CSMD1: variants seen among roughly 807,000 people sequenced by gnomAD.
CSMD1 encodes the protein CUB and sushi domain-containing protein 1.
Under a neutral mutation model 417.5 loss-of-function variants are expected in CSMD1, and 213 were observed. The observed-to-expected ratio is 0.51, with a 90% CI of 0.46 to 0.57. The LOEUF (loss-of-function observed/expected upper bound fraction) is 0.57. Ranked by LOEUF, CSMD1 falls within the 20% of genes least tolerant of loss-of-function variation. CSMD1 has a pLI of 0.00. For missense variants in CSMD1, 6,923 were observed against 4,529.7 expected (o/e 1.53, Z -15.17); for synonymous variants, 2,862 against 1,736.8 (o/e 1.65, Z -16.11).
chr8:4,761,870 T>C (rs150046440), intron 1 of CSMD1, among the ~76,000 whole-genome samples: 28 of 88,452 alleles, frequency 3.2e-4, no homozygotes, highest in East Asian at 1.8e-3. Context: ...TATCTATCTA[T>C]CTATCTATCT....
At chr8:4,542,675 T>C (rs1005043032) in intron 2 of CSMD1, among the ~76,000 whole-genome samples, 4 of 152,214 alleles carry the variant, frequency 2.6e-5, no homozygotes, top group Non-Finnish European at 5.9e-5. Context: ...CTGTATCTTA[T>C]GCGGCAGAAG....
At chr8:4,310,233 T>C (rs537669169) in intron 3 of CSMD1, among the ~76,000 whole-genome samples, 1 of 152,320 alleles carries the variant, frequency 6.6e-6, no homozygotes, top group Non-Finnish European at 1.5e-5. Flanking sequence ...AATTAGCAAT[T>C]AACTTATCAC....
intron 2 of CSMD1, among the ~76,000 whole-genome samples, chr8:4,625,958 T>C (rs1802081559): frequency 6.6e-6 from 1 of 152,086 alleles, no homozygotes; most frequent in South Asian, 2.1e-4. Context: ...TCCTGACCTC[T>C]AGTGATCTGC....
chr8:3,695,048 C>T (rs796824839), intron 7 of CSMD1, among the ~76,000 whole-genome samples: 8 of 149,052 alleles, frequency 5.4e-5, no homozygotes, highest in African/African-American at 1.5e-4. Flanking sequence ...GAAAAAGTCA[C>T]GTGGAAGAAA....
At position 3,937,276 on chromosome 8, in the gene CSMD1, G is replaced by C. The variant is rs186169104; in HGVS notation, c.818+60627C>G. On this transcript the variant is annotated intron_variant, in intron 5 of 69. Transcript: ENST00000635120. ...GCAGCAGGGTTAGAGAAGACTGACT[G>C]AATTTTGAAAGAATTTCTCCTGTAG... Among the ~76,000 whole-genome samples, 4 of 152,046 alleles carry C rather than the reference G, an allele frequency of 2.6e-5. No individual in the cohort carries two copies. The East Asian group carries it at 5.8e-4, about 22-fold the overall frequency.
At chr8:3,566,235 A>G (rs2116892776) in intron 10 of CSMD1, among the ~76,000 whole-genome samples, 1 of 152,292 alleles carries the variant, frequency 6.6e-6, no homozygotes, top group South Asian at 2.1e-4. Context: ...AGGGGATGAG[A>G]AAAAGGAGGA....
chr8:4,004,761 T>C (rs1815972601), intron 4 of CSMD1, among the ~76,000 whole-genome samples: 1 of 152,178 alleles, frequency 6.6e-6, no homozygotes, highest in Non-Finnish European at 1.5e-5. Flanking sequence ...TGTTTTGTTT[T>C]TGAGATGGCG....
At position 3,998,325 on chromosome 8, in the gene CSMD1, C is replaced by A. The variant is rs372414693; in HGVS notation, c.611-215G>T. Among the ~76,000 whole-genome samples the A allele has an allele frequency of 2.0e-5, 3 of 152,206 alleles. No individual in the cohort carries two copies. The East Asian group carries it at 5.8e-4, about 29-fold the overall frequency. ...TAAATTATCTTATTAATTGAATGGC[C>A]ATTGCGGGAAAGATGGAAACGGTGG... On this transcript the variant is annotated intron_variant, in intron 4 of 69. Transcript: ENST00000635120.
intron 1 of CSMD1, among the ~76,000 whole-genome samples, chr8:4,826,496 T>G (rs1799836088): frequency 6.6e-6 from 1 of 152,264 alleles, no homozygotes; most frequent in South Asian, 2.1e-4. Context: ...TTGTTTTTAT[T>G]TATTTATACA....
intron 2 of CSMD1, among the ~76,000 whole-genome samples, chr8:4,543,512 G>A (rs1018963355): frequency 6.6e-6 from 1 of 151,800 alleles, no homozygotes; most frequent in Non-Finnish European, 1.5e-5. Context: ...TATCTGTATG[G>A]ACCACAGTTT....
chr8:3,112,042 G>A (rs917485126), intron 42 of CSMD1, among the ~76,000 whole-genome samples: 1 of 151,498 alleles, frequency 6.6e-6, no homozygotes, highest in Admixed American at 6.6e-5. Context: ...TGCTTGCTCC[G>A]GCTCTAGAGG....
chr8:3,918,128 C>G (rs574056014), intron 5 of CSMD1, among the ~76,000 whole-genome samples: 106 of 152,136 alleles, frequency 7.0e-4, no homozygotes, highest in Non-Finnish European at 1.1e-3. Flanking sequence ...CTAATCCTGG[C>G]AATTGCTAAT....
intron 1 of CSMD1, among the ~76,000 whole-genome samples, chr8:4,693,594 G>C (rs1489252036): frequency 2.0e-5 from 3 of 152,168 alleles, no homozygotes; most frequent in African/African-American, 7.2e-5. Flanking sequence ...GAGTGGTATT[G>C]AGGTAAAACA....
intron 1 of CSMD1, among the ~76,000 whole-genome samples, chr8:4,769,920 T>C (rs567973821): frequency 1.2e-4 from 18 of 152,278 alleles, no homozygotes; most frequent in African/African-American, 3.9e-4. Context: ...TCATGATTAA[T>C]TGGGATTAAA....
chr8:3,861,060 C>G (rs1200861359), intron 5 of CSMD1, among the ~76,000 whole-genome samples: 2 of 152,178 alleles, frequency 1.3e-5, no homozygotes, highest in Non-Finnish European at 2.9e-5. Flanking sequence ...CTCTCCCCTC[C>G]TTTTTCAGTA....
chr8:4,317,899 G>C (rs904752274), intron 3 of CSMD1, among the ~76,000 whole-genome samples: 4 of 152,168 alleles, frequency 2.6e-5, no homozygotes, highest in African/African-American at 9.7e-5. Flanking sequence ...TTTCAGATGT[G>C]TTGGAAAGGA....
At chr8:4,015,733 T>A (rs997812272) in intron 4 of CSMD1, among the ~76,000 whole-genome samples, 6 of 149,784 alleles carry the variant, frequency 4.0e-5, no homozygotes, top group Non-Finnish European at 8.9e-5. Flanking sequence ...TGAAAAATAC[T>A]GACAATGTGT....
chr8:4,247,129 C>G (rs1802762636), intron 3 of CSMD1, among the ~76,000 whole-genome samples: 1 of 152,196 alleles, frequency 6.6e-6, no homozygotes, highest in Non-Finnish European at 1.5e-5. Flanking sequence ...GAAAGGAAAT[C>G]ACACCGTCCT....
At chr8:2,946,497 C>CT (rs1212479043) in intron 68 of CSMD1, among the ~76,000 whole-genome samples, 3 of 152,266 alleles carry the variant, frequency 2.0e-5, no homozygotes, top group East Asian at 1.9e-4. Flanking sequence ...ACTATTTGGC[C>CT]TTTTTTTATC....
Sources: allele counts gnomAD v4.1 joint callset (sites outside exome capture counted in the v4.1 genomes callset), GRCh38; gene constraint gnomAD v4.1.1; transcripts MANE v1.5; gene names NCBI Gene and HGNC (gene_info 2026-07-23, HGNC 2026-07-21).